Variants in COG1 observed in about 807,000 individuals in gnomAD.
COG1 encodes component of oligomeric golgi complex 1.
Under a neutral mutation model 102.2 loss-of-function variants are expected in COG1, and 61 were observed. The ratio of observed to expected loss-of-function variants is 0.60; its 90% CI spans 0.49 to 0.74. The LOEUF (loss-of-function observed/expected upper bound fraction) is 0.74, where lower values mean the gene tolerates loss of function less well. COG1 is among the 30% of genes least tolerant of loss of function. COG1 has a pLI of 0.00. For synonymous variants in COG1, 454 were observed against 493.6 expected (o/e 0.92, Z 1.06); for missense variants, 1,164 against 1,232.1 (o/e 0.94, Z 0.83).
At chr17:73,206,313 A>G (rs1334738820) in intron 11 of COG1, 51 bp downstream of exon 11, 3 of 1,403,806 alleles carry the variant, frequency 2.1e-6, no homozygotes, top group African/African-American at 2.8e-5. Flanking sequence ...TACAGGCTCA[A>G]ATAACAAAAT....
At chr17:73,200,448 GAT>G in intron 5 of COG1, 116 bp from the exon 6 acceptor site, 1 of 972,456 alleles carries the variant, frequency 1.0e-6, no homozygotes, top group Non-Finnish European at 1.7e-6. Context: ...GAGACACATA[GAT>G]ATTTATCTAC....
At chr17:73,198,853 C>T (rs1316116040) in intron 4 of COG1, among the ~76,000 whole-genome samples, 1 of 152,248 alleles carries the variant, frequency 6.6e-6, no homozygotes, top group Non-Finnish European at 1.5e-5. Flanking sequence ...AAAGGAGATA[C>T]AGCCAAAGGT....
At position 73,203,161 on chromosome 17, in the gene COG1, T is replaced by C. The variant is rs764146631; in HGVS notation, c.2220+15T>C. ...TCCCTGCACAGGTGAGCAGGGACCA[T>C]GGGCTGAAAAAGGGAATAAACTGCT... is the stretch of plus-strand genomic sequence containing the variant. On this transcript the variant is annotated intron_variant, in intron 8 of 13. Coordinates refer to ENST00000299886, the MANE Select transcript of COG1 (RefSeq NM_018714.3). The C allele has an allele frequency of 8.7e-6, 14 of 1,613,750 alleles. No homozygotes were observed. The highest frequency in any genetic ancestry group is 1.7e-5 in the Admixed American group (1 of 59,964).
At chr17:73,199,051 C>T (rs1396095117) in intron 4 of COG1, among the ~76,000 whole-genome samples, 1 of 152,214 alleles carries the variant, frequency 6.6e-6, no homozygotes, top group Non-Finnish European at 1.5e-5. Context: ...CTTGTCATGG[C>T]TTTAGAAAGC....
intron 4 of COG1, among the ~76,000 whole-genome samples, chr17:73,197,673 A>G (rs2061331123): frequency 6.6e-6 from 1 of 152,248 alleles, no homozygotes; most frequent in Non-Finnish European, 1.5e-5. Context: ...CACCAAGGTC[A>G]GAGAAGGCTT....
intron 9 of COG1, among the ~76,000 whole-genome samples, chr17:73,204,849 G>A (rs1165644184): frequency 1.3e-5 from 2 of 152,088 alleles, no homozygotes; most frequent in Admixed American, 6.5e-5. Flanking sequence ...GAGCCATCAC[G>A]CCTGGCCAGT....
At chr17:73,196,317 G>A (rs2061324704) in intron 1 of COG1, among the ~76,000 whole-genome samples, 190 bp from the exon 2 acceptor site, 1 of 152,154 alleles carries the variant, frequency 6.6e-6, no homozygotes, top group Non-Finnish European at 1.5e-5. Context: ...GAAAAACCAT[G>A]GGATCTTACA....
chr17:73,205,685 C>T lies in COG1; in HGVS notation c.2510+5C>T, dbSNP rs747068760. 8 of 1,613,456 alleles carry T rather than the reference C, an allele frequency of 5.0e-6. No individual in the cohort carries two copies. Among genetic ancestry groups the T allele is most frequent in the Middle Eastern group, 1.8e-4 (1 of 5,548 alleles). Reference sequence around the variant, plus strand: ...CCGGAGCAAGCCAGACTCCAGGTGTCGTATCCTCTAGGGAGCTATGTCAAG... The same window carrying T: ...CCGGAGCAAGCCAGACTCCAGGTGTTGTATCCTCTAGGGAGCTATGTCAAG... On this transcript the variant is annotated splice_donor_5th_base_variant and intron_variant, in intron 10 of 13. Transcript: ENST00000299886.
chr17:73,200,043 C>T, intron 5 of COG1, 22 bp downstream of exon 5: 1 of 1,603,218 alleles, frequency 6.2e-7, no homozygotes, highest in South Asian at 1.1e-5. Context: ...GAAAGAGCTT[C>T]CCTGCAGCTG....
At chr17:73,196,449 G>A in intron 1 of COG1, 58 bp from the exon 2 acceptor site, 1 of 1,613,144 alleles carries the variant, frequency 6.2e-7, no homozygotes, top group Non-Finnish European at 8.5e-7. Flanking sequence ...TAAGCCTACA[G>A]AACACTGAGA....
At chr17:73,200,469 AG>A in intron 5 of COG1, 96 bp from the exon 6 acceptor site, 1 of 1,043,134 alleles carries the variant, frequency 9.6e-7, no homozygotes. Flanking sequence ...ACTGGAACTC[AG>A]ATAAGAGATT....
intron 7 of COG1, 40 bp from the exon 8 acceptor site, chr17:73,202,960 A>T (rs2061353075): frequency 1.2e-6 from 2 of 1,609,002 alleles, no homozygotes; most frequent in Admixed American, 1.7e-5. Flanking sequence ...TCTACAGAGG[A>T]TCTGAGTGGC....
At chr17:73,200,522 C>T (rs2061342458) in intron 5 of COG1, 44 bp from the exon 6 acceptor site, 11 of 1,502,988 alleles carry the variant, frequency 7.3e-6, no homozygotes, top group Middle Eastern at 3.5e-4. Flanking sequence ...AAGATGTGAA[C>T]ACCATGCCTC....
chr17:73,201,774 G>A lies in COG1; in HGVS notation c.1947G>A (p.Leu649=). ...AACCAGCAAGGGAGTTTAGGGCTCT[G>A]AGAAAACAGGGAAAGGTGAAAACTC... ...SEKPAREFRA[L]RKQGKVKTQE... is the part of the protein sequence containing the mutation. Residue 649 remains leucine (L), a synonymous_variant, in exon 7 of 14, where the codon CTG becomes CTA. Coordinates refer to ENST00000299886, the MANE Select transcript of COG1 (RefSeq NM_018714.3). 1.9e-6 allele frequency: 3 copies of A among 1,614,152 alleles called. No homozygotes were observed. The highest frequency in any genetic ancestry group is 2.5e-6 in the Non-Finnish European group (3 of 1,180,016).
rs2061356635 is a variant in COG1 at position 73,203,739 on chromosome 17, T to G, written c.2328T>G (p.Cys776Trp). 6.2e-7 allele frequency: 1 copy of G among 1,614,206 alleles called. No homozygotes were observed. The highest frequency in any genetic ancestry group is 2.2e-5 in the East Asian group (1 of 44,888). The change falls in exon 9 of 14, where the codon TGT becomes TGG. Residue 776 changes from cysteine (C) to tryptophan (W), a missense_variant. Physicochemically the swap from Cys to Trp is radical, Grantham distance 215 (BLOSUM62 -2). Transcript: ENST00000299886. Reference sequence around the variant, plus strand: ...CATTACAGGAGATGCTGAAAAGCTGTATGGTTCAAGTAGTAGCTGCCTATG... The same window carrying G: ...CATTACAGGAGATGCTGAAAAGCTGGATGGTTCAAGTAGTAGCTGCCTATG... ...KVTLQEMLKS[C>W]MVQVVAAYEK...
intron 1 of COG1, among the ~76,000 whole-genome samples, chr17:73,193,599 C>G (rs928827474): frequency 4.6e-5 from 7 of 152,230 alleles, no homozygotes; most frequent in African/African-American, 1.7e-4. Context: ...TCTGGAAATG[C>G]CATTCAACAG....
intron 13 of COG1, chr17:73,207,748 G>C (rs1363078930): frequency 1.5e-6 from 2 of 1,291,510 alleles, no homozygotes; most frequent in East Asian, 1.1e-4. Context: ...GGGTATTTCT[G>C]AATTGTGCTG....
At chr17:73,193,833 A>G (rs942692950) in intron 1 of COG1, among the ~76,000 whole-genome samples, 12 of 152,218 alleles carry the variant, frequency 7.9e-5, no homozygotes, top group Middle Eastern at 6.8e-3. Context: ...CTCCCCAAGA[A>G]TAACTTCCAC....
chr17:73,205,738 C>T (rs1568298494), intron 10 of COG1, 58 bp downstream of exon 10: 4 of 1,606,256 alleles, frequency 2.5e-6, no homozygotes, highest in African/African-American at 2.7e-5. Flanking sequence ...CAAATAGTCC[C>T]TTTGCTGGGA....
Sources: gnomAD v4.1 joint callset for allele counts (sites outside exome capture counted in the v4.1 genomes callset) on GRCh38, gnomAD v4.1.1 for gene constraint, MANE v1.5 for transcripts, NCBI Gene and HGNC (gene_info 2026-07-23, HGNC 2026-07-21) for gene names.